The following SLC49A4 variants were observed in gnomAD, a reference collection of about 807,000 sequenced individuals.
SLC49A4 encodes the protein solute carrier family 49 member 4.
A neutral mutation model predicts 50.6 loss-of-function variants in SLC49A4; 36 were observed. The ratio of observed to expected loss-of-function variants is 0.71; its 90% CI spans 0.55 to 0.94. SLC49A4 has a LOEUF of 0.94. Ranked by LOEUF, SLC49A4 falls within the 40% of genes least tolerant of loss-of-function variation. SLC49A4 has a pLI of 0.00. For missense variants in SLC49A4, 503 were observed against 605.7 expected, an observed-to-expected ratio of 0.83 and a Z score of 1.78; for synonymous variants, 248 against 241.2, an observed-to-expected ratio of 1.03 and a Z score of -0.26.
chr3:122,823,539 A>T (rs903317856), intron 2 of SLC49A4, among the ~76,000 whole-genome samples: 2 of 152,188 alleles, frequency 1.3e-5, no homozygotes. Flanking sequence ...TTAATTTTAC[A>T]TTCTCATTTG....
chr3:122,813,285 G>A (rs1023710332), intron 2 of SLC49A4, among the ~76,000 whole-genome samples: 4 of 150,912 alleles, frequency 2.7e-5, no homozygotes, highest in African/African-American at 9.7e-5. Context: ...TAGAGTTTTG[G>A]AAAACTCTTT....
intron 5 of SLC49A4, among the ~76,000 whole-genome samples, chr3:122,852,781 G>A (rs1398798373): frequency 6.6e-6 from 1 of 152,060 alleles, no homozygotes; most frequent in African/African-American, 2.4e-5. Flanking sequence ...AGGTCAGTGA[G>A]GCTGTCAATA....
At chr3:122,853,747 A>G (rs1276354534) in intron 5 of SLC49A4, among the ~76,000 whole-genome samples, 1 of 152,152 alleles carries the variant, frequency 6.6e-6, no homozygotes, top group Admixed American at 6.6e-5. Context: ...GTGACAGAGT[A>G]AGGCCCCATG....
intron 7 of SLC49A4, among the ~76,000 whole-genome samples, chr3:122,861,001 T>G (rs1392923453): frequency 6.6e-6 from 1 of 152,204 alleles, no homozygotes; most frequent in African/African-American, 2.4e-5. Context: ...CCAGCAACCT[T>G]GGGTCAAGTC....
chr3:122,851,655 G>T (rs1936927609), intron 5 of SLC49A4, among the ~76,000 whole-genome samples: 1 of 151,966 alleles, frequency 6.6e-6, no homozygotes, highest in Non-Finnish European at 1.5e-5. Flanking sequence ...ACAACTTATT[G>T]AATGTCGTCT....
rs192846086 is a variant in SLC49A4, at chr3:122,816,062, C to T, written c.437+9112C>T. ...CTGTTGAATCTCCTCTTTACTTTAC[C>T]AGCTTGGGTACCCATCCCAGATTTT... On this transcript the variant is annotated intron_variant, in intron 2 of 8. Coordinates refer to ENST00000261038, the MANE Select transcript of SLC49A4 (RefSeq NM_032839.3). Among the ~76,000 whole-genome samples the T allele has an allele frequency of 2.3e-3, 347 of 152,214 alleles. 1 individual carries two copies. Among genetic ancestry groups the T allele is most frequent in the Non-Finnish European group, 3.6e-3 (243 of 68,030 alleles).
intron 2 of SLC49A4, among the ~76,000 whole-genome samples, chr3:122,822,385 G>T (rs572632603): frequency 4.6e-5 from 7 of 152,144 alleles, no homozygotes; most frequent in Non-Finnish European, 7.4e-5. Context: ...ATTTAAGCTG[G>T]ATGTTTTTTC....
chr3:122,879,138 T>C, intron 8 of SLC49A4, 125 bp from the exon 9 acceptor site: 2 of 696,178 alleles, frequency 2.9e-6, no homozygotes, highest in Non-Finnish European at 2.5e-6. Context: ...AGCCAGTTTC[T>C]AGGCCTTCCA....
At position 122,795,482 on chromosome 3, in the gene SLC49A4, G is replaced by A; in HGVS notation, c.290G>A (p.Gly97Glu). 1.2e-6 allele frequency: 2 copies of A among 1,605,528 alleles called. No individual in the cohort carries two copies. The highest frequency in any genetic ancestry group is 1.7e-6 in the Non-Finnish European group (2 of 1,178,958). ...GACATCGCGCTGCTCGTGCTGTGGG[G>A]GCCCATCGGCTTCCTGCCCTGCTTC... ...SWDIALLVLW[G>E]PIGFLPCFAF... The change falls in exon 1 of 9, where the codon GGG becomes GAG. Residue 97 changes from glycine to glutamate, a missense_variant. By Grantham distance (98) the Gly-to-Glu change is moderately conservative. Coordinates refer to ENST00000261038, the MANE Select transcript of SLC49A4 (RefSeq NM_032839.3).
At chr3:122,826,612 TCCTC>T (rs1452252113) in intron 2 of SLC49A4, among the ~76,000 whole-genome samples, 184 bp from the exon 3 acceptor site, 1 of 152,198 alleles carries the variant, frequency 6.6e-6, no homozygotes, top group Non-Finnish European at 1.5e-5. Context: ...CTATGTTTGA[TCCTC>T]CCTCATAGGG....
At chr3:122,801,705 CATGG>C (rs1279089005) in intron 1 of SLC49A4, among the ~76,000 whole-genome samples, 2 of 152,050 alleles carry the variant, frequency 1.3e-5, no homozygotes, top group East Asian at 3.9e-4. Context: ...TACCTCAGAC[CATGG>C]AACAAGAGGT....
chr3:122,872,293 A>G (rs1937205411), intron 7 of SLC49A4, 122 bp from the exon 8 acceptor site: 6 of 817,798 alleles, frequency 7.3e-6, no homozygotes, highest in Non-Finnish European at 1.1e-5. Flanking sequence ...AAACTTTATC[A>G]ACTACCTTTG....
chr3:122,844,791 A>AG (rs1395652929), intron 4 of SLC49A4, among the ~76,000 whole-genome samples: 1 of 152,050 alleles, frequency 6.6e-6, no homozygotes, highest in African/African-American at 2.4e-5. Context: ...TTCAAAAAAA[A>AG]AAAAAATTTC....
rs1417639874 is a variant in SLC49A4 at position 122,795,123 on chromosome 3, A to C, written c.-70A>C. 3 of 1,283,226 alleles carry C rather than the reference A, an allele frequency of 2.3e-6. No homozygotes were observed. Among genetic ancestry groups the C allele is most frequent in the Non-Finnish European group, 2.9e-6 (3 of 1,022,410 alleles). 79.5% of individuals were successfully genotyped at this position (1,283,226 alleles called of 1,614,324 possible). A position where few individuals can be genotyped will look rare whatever the true frequency, so the allele number is the denominator to read the frequency against. On this transcript the variant is annotated 5_prime_UTR_variant, in exon 1 of 9. Transcript: ENST00000261038. ...CCTCCGCCTCCTGCTGCTCAGGACTATTCTGCGCTGGGCTAGTCGGCGGTG... is the reference window on the plus strand; with the variant it reads ...CCTCCGCCTCCTGCTGCTCAGGACTCTTCTGCGCTGGGCTAGTCGGCGGTG...
At chr3:122,825,635 TA>T (rs71621694) in intron 2 of SLC49A4, among the ~76,000 whole-genome samples, 222 of 144,034 alleles carry the variant, frequency 1.5e-3, no homozygotes, top group African/African-American at 3.7e-3. Context: ...GATGGCAGTT[TA>T]AAAAAAAAAA....
intron 7 of SLC49A4, among the ~76,000 whole-genome samples, chr3:122,860,885 A>G (rs1937051286): frequency 6.6e-6 from 1 of 152,226 alleles, no homozygotes; most frequent in African/African-American, 2.4e-5. Context: ...CTGGGCTAAA[A>G]TCAAAATGTG....
chr3:122,825,858 T>C (rs1447713553), intron 2 of SLC49A4, among the ~76,000 whole-genome samples: 1 of 152,040 alleles, frequency 6.6e-6, no homozygotes, highest in Non-Finnish European at 1.5e-5. Context: ...AATGTGTATA[T>C]TGGGGGTGAG....
chr3:122,847,758 A>T (rs896800437), intron 5 of SLC49A4, among the ~76,000 whole-genome samples: 5 of 152,200 alleles, frequency 3.3e-5, no homozygotes, highest in Admixed American at 1.3e-4. Context: ...TAAAAAAATT[A>T]AAAAAGCAAT....
chr3:122,861,006 C>T (rs1937052610), intron 7 of SLC49A4, among the ~76,000 whole-genome samples: 1 of 152,140 alleles, frequency 6.6e-6, no homozygotes, highest in African/African-American at 2.4e-5. Flanking sequence ...AACCTTGGGT[C>T]AAGTCCTTTT....
Sources: gnomAD v4.1 joint callset for allele counts (sites outside exome capture counted in the v4.1 genomes callset) on GRCh38, gnomAD v4.1.1 for gene constraint, MANE v1.5 for transcripts, NCBI Gene and HGNC (gene_info 2026-07-23, HGNC 2026-07-21) for gene names.